The following HERC2 variants were observed in gnomAD, a reference collection of about 807,000 sequenced individuals.
The protein encoded by HERC2 is E3 ubiquitin-protein ligase HERC2.
A neutral mutation model predicts 537.7 loss-of-function variants in HERC2; 102 were observed. That is an observed-to-expected ratio of 0.19 (90% CI 0.16 to 0.22). The LOEUF is 0.22. Ranked by LOEUF, HERC2 falls within the 10% of genes least tolerant of loss-of-function variation. The pLI is 1.00. For synonymous variants in HERC2, 2,224 were observed against 2,466.2 expected (o/e 0.90, Z 2.91); for missense variants, 4,236 against 6,198.2 (o/e 0.68, Z 10.63).
At chr15:28,187,295 T>C (rs1471972892) in intron 55 of HERC2, among the ~76,000 whole-genome samples, 2 of 152,138 alleles carry the variant, frequency 1.3e-5, no homozygotes, top group African/African-American at 4.8e-5. Context: ...AAAACTTCAG[T>C]ATATATCACT....
chr15:28,136,815 C>T (rs1890692352), intron 78 of HERC2, among the ~76,000 whole-genome samples: 1 of 152,088 alleles, frequency 6.6e-6, no homozygotes, highest in African/African-American at 2.4e-5. Context: ...CCAACCCCCA[C>T]CCTAGAAAAA....
At chr15:28,292,462 C>T (rs36072010) in intron 4 of HERC2, among the ~76,000 whole-genome samples, 20 of 151,918 alleles carry the variant, frequency 1.3e-4, no homozygotes, top group Admixed American at 1.1e-3. Flanking sequence ...CTTAGTATAC[C>T]GCTGCAAGAA....
rs1246210958 is a variant in HERC2 at position 28,177,581 on chromosome 15, A to G, written c.9164-72T>C. 13 of 1,396,534 alleles carry G rather than the reference A, an allele frequency of 9.3e-6. No individual in the cohort carries two copies. The highest frequency in any genetic ancestry group is 1.2e-5 in the Non-Finnish European group (12 of 983,554). 86.5% of individuals were successfully genotyped at this position (1,396,534 alleles called of 1,614,324 possible). On this transcript the variant is annotated intron_variant, in intron 59 of 92. Transcript: ENST00000261609. This position sits in a 1 kb window ranked among gnomAD's most constrained non-coding sequence, Gnocchi z 5.0. The stretch of plus-strand genomic sequence containing the variant: ...AAGCCCACAGCATAGCTAGCTCCCT[A>G]TTTTGCCTGGCATATAGCACACACT...
chr15:28,117,351 C>G (rs757868109), intron 86 of HERC2, 197 bp from the exon 87 acceptor site: 2 of 707,986 alleles, frequency 2.8e-6, no homozygotes, highest in Non-Finnish European at 5.1e-6. Context: ...AGACCGCTGC[C>G]TCACCCCATT....
chr15:28,214,604 G>T, intron 40 of HERC2, 51 bp downstream of exon 40: 1 of 1,599,168 alleles, frequency 6.3e-7, no homozygotes, highest in Non-Finnish European at 8.5e-7. Context: ...CCTGAGTGAC[G>T]GCACTGCGCC....
rs531267290 is a variant in HERC2, at chr15:28,255,897, T to A, written c.2846A>T (p.His949Leu). 3.7e-6 allele frequency: 6 copies of A among 1,601,414 alleles called. No individual in the cohort carries two copies. Among genetic ancestry groups the A allele is most frequent in the Non-Finnish European group, 4.2e-6 (5 of 1,179,780 alleles). The change falls in exon 19 of 93, where the codon CAC becomes CTC. Residue 949 changes from histidine (H) to leucine (L), a missense_variant. By Grantham distance (99) the His-to-Leu change is moderately conservative (BLOSUM62 -3). Around this residue, in one of 27 missense-constraint regions of HERC2, gnomAD observed 754 missense variants for 1,085.0 expected, o/e 0.69. Transcript: ENST00000261609. Reference protein sequence around the residue: ...MADGGLESALHAAITAEIQDI... With the variant: ...MADGGLESALLAAITAEIQDI... ...CTGGATCTCTGCAGTAATGGCTGCG[T>A]GTAAGGCTGACTCCAACCCTCCATC...
chr15:28,175,273 C>T (rs1396656196), intron 64 of HERC2, among the ~76,000 whole-genome samples: 1 of 151,978 alleles, frequency 6.6e-6, no homozygotes, highest in Admixed American at 6.5e-5. Flanking sequence ...ACACTTTTCA[C>T]GTGGACTTCA....
In HERC2 at chr15:28,152,798, G is replaced by A. The variant is rs558141062; in HGVS notation, c.10779C>T (p.Thr3593=). Reference sequence around the variant, plus strand: ...AGTCTGTGGCCACATCCTCCAACTCGGTGACACAGAGCTCCAACAGCATAT... The same window carrying A: ...AGTCTGTGGCCACATCCTCCAACTCAGTGACACAGAGCTCCAACAGCATAT... ...VADMLLELCV[T]ELEDVATDSQ... is the part of the protein sequence containing the mutation. The change falls in exon 70 of 93, where the codon ACC becomes ACT. Residue 3593 remains threonine (T), a synonymous_variant. Transcript: ENST00000261609. 98 of 1,558,404 alleles carry A rather than the reference G, an allele frequency of 6.3e-5. 1 individual carries two copies. In the South Asian group the frequency reaches 1.1e-3, roughly 17 times the overall value.
intron 69 of HERC2, among the ~76,000 whole-genome samples, chr15:28,162,194 G>A (rs912030610): frequency 2.6e-5 from 4 of 152,142 alleles, no homozygotes; most frequent in Non-Finnish European, 4.4e-5. Context: ...GCCAGGCATC[G>A]TGGCGCATGC....
At chr15:28,235,780 C>T (rs776852384) in intron 26 of HERC2, among the ~76,000 whole-genome samples, 4 of 152,100 alleles carry the variant, frequency 2.6e-5, no homozygotes, top group Non-Finnish European at 2.9e-5. Context: ...AAAGCAGAGG[C>T]GTGTCCTACC....
chr15:28,169,748 A>G, intron 65 of HERC2, 93 bp from the exon 66 acceptor site: 1 of 1,172,746 alleles, frequency 8.5e-7, no homozygotes, highest in Non-Finnish European at 1.2e-6. Flanking sequence ...TCCAAAACAC[A>G]CTGCAATCTG....
chr15:28,188,960 C>T (rs868019033), intron 55 of HERC2, among the ~76,000 whole-genome samples: 1 of 151,996 alleles, frequency 6.6e-6, no homozygotes. Context: ...AGGTGGTGGG[C>T]ACCTGTAATC....
At position 28,142,352 on chromosome 15, in the gene HERC2, C is replaced by T; in HGVS notation, c.11586G>A (p.Leu3862=). The change falls in exon 76 of 93, where the codon CTG becomes CTA. Residue 3862 remains leucine (L), a synonymous_variant. Transcript: ENST00000261609. Reference sequence around the variant, plus strand: ...ACTTGTGCGTCTCGGCACAGCAAGGCAGAGTGTCCAGCTCCAGGTCACAAG... The same window carrying T: ...ACTTGTGCGTCTCGGCACAGCAAGGTAGAGTGTCCAGCTCCAGGTCACAAG... ...ALACDLELDT[L]PCCAETHKWA... is the part of the protein sequence containing the mutation. 1.2e-6 allele frequency: 2 copies of T among 1,614,050 alleles called. No individual in the cohort carries two copies. The highest frequency in any genetic ancestry group is 1.7e-6 in the Non-Finnish European group (2 of 1,179,966).
intron 37 of HERC2, among the ~76,000 whole-genome samples, chr15:28,219,233 G>A (rs1596262869): frequency 6.6e-6 from 1 of 152,250 alleles, no homozygotes; most frequent in African/African-American, 2.4e-5. Context: ...CGGCATCTGT[G>A]GAGTGGGGCG....
chr15:28,201,647 AAGT>A, intron 47 of HERC2, 93 bp from the exon 48 acceptor site: 1 of 818,582 alleles, frequency 1.2e-6, no homozygotes, highest in Non-Finnish European at 2.0e-6. Context: ...TAATATTAAA[AAGT>A]AGAGGATGAA....
intron 86 of HERC2, among the ~76,000 whole-genome samples, chr15:28,120,721 G>A (rs80302374): frequency 6.6e-6 from 1 of 152,162 alleles, no homozygotes; most frequent in South Asian, 2.1e-4. Context: ...ACCTATAATC[G>A]GATGTATCAT....
chr15:28,121,869 C>T (rs549206583), intron 85 of HERC2, among the ~76,000 whole-genome samples: 3 of 151,854 alleles, frequency 2.0e-5, no homozygotes, highest in Admixed American at 6.6e-5. Context: ...CAGGGAGCAC[C>T]GCGGAGCCAG....
At chr15:28,281,114 A>C (rs1040527606) in intron 4 of HERC2, among the ~76,000 whole-genome samples, 1 of 152,180 alleles carries the variant, frequency 6.6e-6, no homozygotes, top group Non-Finnish European at 1.5e-5. Flanking sequence ...GAGGAAGATA[A>C]AGTAACAAGT....
chr15:28,143,456 TA>T (rs1242964539), intron 74 of HERC2, among the ~76,000 whole-genome samples: 1 of 152,076 alleles, frequency 6.6e-6, no homozygotes, highest in East Asian at 1.9e-4. Context: ...TTCATTTATT[TA>T]TTTTTTTTGA....
Sources: gnomAD v4.1 joint callset for allele counts (sites outside exome capture counted in the v4.1 genomes callset) on GRCh38, gnomAD v4.1.1 for gene constraint, gnomAD v4.1.1 regional missense constraint, Gnocchi (gnomAD v3.1) non-coding constraint, MANE v1.5 for transcripts, NCBI Gene and HGNC (gene_info 2026-07-23, HGNC 2026-07-21) for gene names.